Variants in TPCN2 observed in about 807,000 individuals in gnomAD.
The protein encoded by TPCN2 is two pore segment channel 2.
Under a neutral mutation model 111.4 loss-of-function variants are expected in TPCN2, and 92 were observed. The ratio of observed to expected loss-of-function variants is 0.83; its 90% CI spans 0.70 to 0.98. The LOEUF (loss-of-function observed/expected upper bound fraction) is 0.98. Ranked by LOEUF, TPCN2 falls within the 50% of genes least tolerant of loss-of-function variation. The pLI is 0.00. For synonymous variants in TPCN2, 405 were observed against 414.5 expected (o/e 0.98, Z 0.28); for missense variants, 995 against 980.1 (o/e 1.02, Z -0.20).
chr11:69,087,815 G>A (rs1856345246), intron 24 of TPCN2, 60 bp from the exon 25 acceptor site: 3 of 1,407,950 alleles, frequency 2.1e-6, no homozygotes, highest in South Asian at 1.2e-5. Context: ...TGTTCTTGTG[G>A]GCAGGCCAGG....
At chr11:69,080,505 G>A (rs1855959492) in intron 17 of TPCN2, among the ~76,000 whole-genome samples, 1 of 152,218 alleles carries the variant, frequency 6.6e-6, no homozygotes, top group African/African-American at 2.4e-5. Context: ...TCTGCCCTGA[G>A]AGCGTGGCTC....
At position 69,048,977 on chromosome 11, in the gene TPCN2, G is replaced by T; in HGVS notation, c.-21G>T. The T allele has an allele frequency of 8.1e-7, 1 of 1,227,006 alleles. No individual in the cohort carries two copies. 76.0% of individuals were successfully genotyped at this position (1,227,006 alleles called of 1,614,324 possible). On this transcript the variant is annotated 5_prime_UTR_variant, in exon 1 of 25. Coordinates refer to ENST00000294309, the MANE Select transcript of TPCN2 (RefSeq NM_139075.4). ...CGGGGCTTGAGCTTCTGAGGGTCGG[G>T]TCCAGCGCGTGGGCTGCTGGATGGC...
chr11:69,071,830 TC>T (rs1855551289), intron 10 of TPCN2, 92 bp from the exon 11 acceptor site: 4 of 1,196,280 alleles, frequency 3.3e-6, no homozygotes, highest in Non-Finnish European at 4.9e-6. Context: ...CTGCCCAGAC[TC>T]CCCCTCTGCC....
In TPCN2 at chr11:69,083,096, C is replaced by T. The variant is rs112445147; in HGVS notation, c.1690-849C>T. The T allele has an allele frequency of 1.1e-3, 163 of 152,728 alleles. 2 individuals carry two copies. Among genetic ancestry groups the T allele is most frequent in the African/African-American group, 3.4e-3 (142 of 41,572 alleles). 9.5% of individuals were successfully genotyped at this position (152,728 alleles called of 1,614,324 possible). A position where few individuals can be genotyped will look rare whatever the true frequency, so the allele number is the denominator to read the frequency against. On this transcript the variant is annotated intron_variant, in intron 18 of 24. Transcript: ENST00000294309. ...TGTGCACACATCGCATGCAGATATC[C>T]ATGTGAACTTGTGCCCGTGTAAGAT...
intron 1 of TPCN2, among the ~76,000 whole-genome samples, chr11:69,052,236 A>G (rs1414738371): frequency 1.3e-5 from 2 of 152,084 alleles, no homozygotes; most frequent in East Asian, 1.9e-4. Flanking sequence ...AGCTTGTATC[A>G]CTAGATCTCT....
rs546183906 is a variant in TPCN2 at position 69,068,289 on chromosome 11, A to C, written c.829+684A>C. The stretch of plus-strand genomic sequence containing the variant: ...GTGGGAGCAGGACCGTCTGAGTCCT[A>C]GGAAGTGACCGCACTGGGAGCAGGG... On this transcript the variant is annotated intron_variant, in intron 8 of 24. Transcript: ENST00000294309. 4.1e-4 allele frequency among the ~76,000 whole-genome samples: 61 copies of C among 150,262 alleles called. 2 individuals carry two copies. In the East Asian group the frequency reaches 0.01, roughly 25 times the overall value.
chr11:69,074,651 C>T (rs1855677845), intron 13 of TPCN2, among the ~76,000 whole-genome samples: 1 of 152,146 alleles, frequency 6.6e-6, no homozygotes. Flanking sequence ...AGACGGACAC[C>T]TTGGCCAAGA....
chr11:69,071,983 C>T lies in TPCN2; in HGVS notation c.1021C>T (p.Leu341=). The T allele has an allele frequency of 6.2e-7, 1 of 1,614,018 alleles. No homozygotes were observed. The highest frequency in any genetic ancestry group is 8.5e-7 in the Non-Finnish European group (1 of 1,179,980). The change falls in exon 11 of 25, where the codon CTA becomes TTA. Residue 341 remains leucine (L), a synonymous_variant. Coordinates refer to ENST00000294309, the MANE Select transcript of TPCN2 (RefSeq NM_139075.4). ...RLGTRAAFEV[L]SSMVGEGGAF... ...GGGAACCCGGGCTGCCTTTGAAGTC[C>T]TATCCTCCATGGTGGGGGAGGGAGG...
intron 13 of TPCN2, among the ~76,000 whole-genome samples, chr11:69,075,403 C>G (rs1453606060): frequency 1.1e-4 from 16 of 152,188 alleles, no homozygotes; most frequent in Admixed American, 1.0e-3. Context: ...CATTTCTAGA[C>G]TACTTGGAAT....
chr11:69,074,214 C>T (rs899206380), intron 13 of TPCN2, among the ~76,000 whole-genome samples: 4 of 152,196 alleles, frequency 2.6e-5, no homozygotes, highest in Non-Finnish European at 5.9e-5. Flanking sequence ...CCTTCCAGAC[C>T]TCTGTAGTCA....
At chr11:69,059,633 G>A (rs1177934795) in intron 5 of TPCN2, among the ~76,000 whole-genome samples, 2 of 152,226 alleles carry the variant, frequency 1.3e-5, no homozygotes, top group East Asian at 1.9e-4. Flanking sequence ...GGCCCGCGCC[G>A]GGGCTGCCCC....
At chr11:69,087,759 G>T in intron 24 of TPCN2, 116 bp from the exon 25 acceptor site, 1 of 728,514 alleles carries the variant, frequency 1.4e-6, no homozygotes. Flanking sequence ...GTGTCTCTGT[G>T]TCCCTGTGAC....
At position 69,087,222 on chromosome 11, in the gene TPCN2, A is replaced by G; in HGVS notation, c.2180+16A>G. ...TCCTGTTCAGGTGTGTGGGTGGGGA[A>G]GGCGCTTCTGTCTGGCCCCCTGGGA... On this transcript the variant is annotated intron_variant, in intron 24 of 24. Transcript: ENST00000294309. The G allele has an allele frequency of 6.2e-7, 1 of 1,610,522 alleles. No individual in the cohort carries two copies. The highest frequency in any genetic ancestry group is 8.5e-7 in the Non-Finnish European group (1 of 1,177,472).
At chr11:69,061,432 G>A (rs1489966870) in intron 5 of TPCN2, among the ~76,000 whole-genome samples, 3 of 152,228 alleles carry the variant, frequency 2.0e-5, no homozygotes, top group Admixed American at 1.3e-4. Context: ...ACAAGATACT[G>A]ATGAGGATGC....
intron 13 of TPCN2, among the ~76,000 whole-genome samples, chr11:69,073,370 G>A (rs961235434): frequency 3.9e-5 from 6 of 152,234 alleles, no homozygotes; most frequent in Non-Finnish European, 8.8e-5. Context: ...TCCCAGGTGG[G>A]CCTCAGCATC....
Position 69,062,884 on chromosome 11 carries a change from C to T in TPCN2, c.547C>T (p.Pro183Ser). Reference sequence around the variant, plus strand: ...CCTCAGTTTCCTGGGTCTCTTCCAGCCCCTGCGGATCCGCCGGCTTCTCCG... The same window carrying T: ...CCTCAGTTTCCTGGGTCTCTTCCAGTCCCTGCGGATCCGCCGGCTTCTCCG... The part of the protein sequence containing the change: ...TVSLSLVCHE[P>S]LRIRRLLRPF... Residue 183 changes from proline (P) to serine (S), a missense_variant and splice_region_variant, in exon 6 of 25, where the codon CCC (proline) becomes TCC (serine). Coordinates refer to ENST00000294309, the MANE Select transcript of TPCN2 (RefSeq NM_139075.4). The T allele has an allele frequency of 6.2e-7, 1 of 1,613,816 alleles. No homozygotes were observed. Among genetic ancestry groups the T allele is most frequent in the Non-Finnish European group, 8.5e-7 (1 of 1,179,800 alleles).
At chr11:69,084,811 T>C in intron 19 of TPCN2, 1 of 985,162 alleles carries the variant, frequency 1.0e-6, no homozygotes, top group Non-Finnish European at 1.2e-6. Context: ...CCCAGCCCCC[T>C]AACTTGCACA....
rs369434788 is a variant in TPCN2, at chr11:69,055,189, C to T, written c.266C>T (p.Thr89Ile). 7.4e-6 allele frequency: 12 copies of T among 1,614,006 alleles called. No homozygotes were observed. Among genetic ancestry groups the T allele is most frequent in the South Asian group, 1.1e-5 (1 of 91,072 alleles). The change falls in exon 4 of 25, where the codon ACC becomes ATC. Residue 89 changes from threonine (T) to isoleucine (I), a missense_variant. Thr to Ile is a moderately conservative substitution (Grantham distance 89, BLOSUM62 -1). Coordinates refer to ENST00000294309, the MANE Select transcript of TPCN2 (RefSeq NM_139075.4). ...CCCCTTTCCAGGACTTTGAGCTTCA[C>T]CATCTTCTTGATCCTGTTTTTGGCT... Reference protein sequence around the residue: ...SNVCQRTLSFTIFLILFLAFI... With the variant: ...SNVCQRTLSFIIFLILFLAFI...
At chr11:69,077,539 A>G (rs749373738) in intron 13 of TPCN2, among the ~76,000 whole-genome samples, 10 of 152,232 alleles carry the variant, frequency 6.6e-5, no homozygotes, top group Non-Finnish European at 1.3e-4. Context: ...TGGCACCACC[A>G]GTTTGGGTCT....
Sources: allele counts gnomAD v4.1 joint callset (sites outside exome capture counted in the v4.1 genomes callset), GRCh38; gene constraint gnomAD v4.1.1; transcripts MANE v1.5; gene names NCBI Gene and HGNC (gene_info 2026-07-23, HGNC 2026-07-21).